SAXO2: variants seen among roughly 807,000 people sequenced by gnomAD.
The protein encoded by SAXO2 is stabilizer of axonemal microtubules 2, also known as family with sequence similarity 154, member B.
Under a neutral mutation model 18.7 loss-of-function variants are expected in SAXO2, and 17 were observed. That is an observed-to-expected ratio of 0.91 (90% CI 0.62 to 1.36). SAXO2 has a LOEUF of 1.36. Ranked by LOEUF, SAXO2 falls within the 40% of genes most tolerant of loss-of-function variation. SAXO2 has a pLI of 0.00. For synonymous variants in SAXO2, 163 were observed against 181.2 expected, an observed-to-expected ratio of 0.90 and a Z score of 0.81; for missense variants, 486 against 562.6, an observed-to-expected ratio of 0.86 and a Z score of 1.38.
chr15:82,271,572 T>G, intron 2 of SAXO2, 31 bp from the exon 3 acceptor site: 1 of 1,529,854 alleles, frequency 6.5e-7, no homozygotes, highest in Non-Finnish European at 8.8e-7. Flanking sequence ...AAAGAACTTG[T>G]GAGGCTATGT....
chr15:82,263,024 T>C (rs1201659272), intron 1 of SAXO2, 92 bp downstream of exon 1: 40 of 1,537,630 alleles, frequency 2.6e-5, no homozygotes, highest in Non-Finnish European at 3.3e-5. Flanking sequence ...ACCCTGAGAG[T>C]GGCCGTCCCC....
rs759637215 is a variant in SAXO2, at chr15:82,282,550, C to T, written c.865C>T (p.Pro289Ser). The T allele has an allele frequency of 1.2e-6, 2 of 1,614,156 alleles. No individual in the cohort carries two copies. Among genetic ancestry groups the T allele is most frequent in the Non-Finnish European group, 1.7e-6 (2 of 1,180,024 alleles). Residue 289 changes from proline to serine, a missense_variant, in exon 4 of 4, where the codon CCA becomes TCA. Physicochemically the swap from Pro to Ser is moderately conservative, Grantham distance 74. Coordinates refer to ENST00000682753, the MANE Select transcript of SAXO2 (RefSeq NM_001348699.2). ...AAGTTTTCAACCATGGGAAATCCCA[C>T]CACCTGAGGTCAAGAAAGTACCAGA... ...RESFQPWEIP[P>S]PEVKKVPEYV...
Position 82,282,920 on chromosome 15 carries a change from T to G in SAXO2, c.1235T>G (p.Met412Arg). Residue 412 changes from methionine to arginine, a missense_variant, in exon 4 of 4, where the codon ATG (methionine) becomes AGG (arginine). Coordinates refer to ENST00000682753, the MANE Select transcript of SAXO2 (RefSeq NM_001348699.2). ...KSSVPFDDVT[M>R]YSVEYTPKRQ... is the part of the protein sequence containing the mutation. ...TCTGTTCCATTTGATGATGTAACCATGTACTCTGTAGAGTACACACCGAAA... is the reference window on the plus strand; with the variant it reads ...TCTGTTCCATTTGATGATGTAACCAGGTACTCTGTAGAGTACACACCGAAA... The G allele has an allele frequency of 6.2e-7, 1 of 1,614,172 alleles. No homozygotes were observed. The highest frequency in any genetic ancestry group is 8.5e-7 in the Non-Finnish European group (1 of 1,180,014).
At chr15:82,268,504 G>A (rs2075240561) in intron 2 of SAXO2, among the ~76,000 whole-genome samples, 2 of 152,114 alleles carry the variant, frequency 1.3e-5, no homozygotes, top group African/African-American at 4.8e-5. Context: ...ATTTTCACTG[G>A]GAAACTAGCA....
chr15:82,278,231 A>G (rs2075332687), intron 3 of SAXO2, among the ~76,000 whole-genome samples: 1 of 152,236 alleles, frequency 6.6e-6, no homozygotes. Flanking sequence ...CTTGGGACCA[A>G]CAATTAGAGA....
intron 3 of SAXO2, among the ~76,000 whole-genome samples, chr15:82,276,090 T>G (rs2075312457): frequency 6.6e-6 from 1 of 152,116 alleles, no homozygotes; most frequent in African/African-American, 2.4e-5. Context: ...TCAGTAGCAT[T>G]TCTATACACC....
chr15:82,267,149 C>T (rs911406802), intron 2 of SAXO2, among the ~76,000 whole-genome samples: 2 of 152,164 alleles, frequency 1.3e-5, no homozygotes, highest in African/African-American at 4.8e-5. Flanking sequence ...ATGCCAGTGA[C>T]ACAGCCTCAG....
At chr15:82,264,785 A>C in intron 1 of SAXO2, 1 of 696,842 alleles carries the variant, frequency 1.4e-6, no homozygotes, top group Non-Finnish European at 2.6e-6. Context: ...CAAGTTAGGA[A>C]ACCAGCTTGC....
At chr15:82,272,443 G>A (rs573573470) in intron 3 of SAXO2, among the ~76,000 whole-genome samples, 5 of 152,306 alleles carry the variant, frequency 3.3e-5, no homozygotes, top group Admixed American at 2.0e-4. Context: ...TGGTGGAAGG[G>A]TGAGAATACT....
At chr15:82,268,865 AG>A (rs1567089037) in intron 2 of SAXO2, among the ~76,000 whole-genome samples, 1 of 152,180 alleles carries the variant, frequency 6.6e-6, no homozygotes, top group Admixed American at 6.5e-5. Flanking sequence ...TTGGGTTTGG[AG>A]GCATACTTTC....
Position 82,282,589 on chromosome 15 carries a change from A to G in SAXO2, c.904A>G (p.Thr302Ala). 5 of 1,614,188 alleles carry G rather than the reference A, an allele frequency of 3.1e-6. No individual in the cohort carries two copies. Among genetic ancestry groups the G allele is most frequent in the Non-Finnish European group, 4.2e-6 (5 of 1,180,014 alleles). Residue 302 changes from threonine (T) to alanine (A), a missense_variant, in exon 4 of 4, where the codon ACA (threonine) becomes GCA (alanine). Transcript: ENST00000682753. ...VKKVPEYVPP[T>A]GSMLLNSTSH... is the part of the protein sequence containing the mutation. ...GAAAGTACCAGAGTATGTGCCTCCT[A>G]CAGGTAGCATGCTGTTAAACAGCAC...
chr15:82,282,939 A>G lies in SAXO2; in HGVS notation c.1254A>G (p.Thr418=). ...DDVTMYSVEY[T]PKRQEICPAS... is the part of the protein sequence containing the mutation. ...TAACCATGTACTCTGTAGAGTACAC[A>G]CCGAAAAGACAGGAAATTTGCCCAG... Residue 418 remains threonine (T), a synonymous_variant, in exon 4 of 4, where the codon ACA becomes ACG. Coordinates refer to ENST00000682753, the MANE Select transcript of SAXO2 (RefSeq NM_001348699.2). 2 of 1,614,010 alleles carry G rather than the reference A, an allele frequency of 1.2e-6. No individual in the cohort carries two copies. Among genetic ancestry groups the G allele is most frequent in the Non-Finnish European group, 1.7e-6 (2 of 1,179,940 alleles).
chr15:82,270,057 T>A (rs949649075), intron 2 of SAXO2, among the ~76,000 whole-genome samples: 10 of 152,186 alleles, frequency 6.6e-5, no homozygotes, highest in Non-Finnish European at 1.2e-4. Flanking sequence ...TCGAATCCAA[T>A]GGCATTGAAT....
chr15:82,262,932 G>T lies in SAXO2; in HGVS notation c.53G>T (p.Gly18Val). ...SWCLCQICSC[G>V]RHHCPRGTTR... ...TGTCTGTGTCAGATTTGTAGCTGCG[G>T]GTAAGAAACGGCTGGTGTAGCGGCG... The change falls in exon 1 of 4, where the codon GGG becomes GTG. Residue 18 changes from glycine to valine, a missense_variant and splice_region_variant. Physicochemically the swap from Gly to Val is moderately radical, Grantham distance 109 (BLOSUM62 -3). Transcript: ENST00000682753. 6.2e-7 allele frequency: 1 copy of T among 1,604,124 alleles called. No homozygotes were observed.
chr15:82,270,247 G>A (rs759854395), intron 2 of SAXO2, among the ~76,000 whole-genome samples: 5 of 152,130 alleles, frequency 3.3e-5, no homozygotes, highest in Non-Finnish European at 5.9e-5. Flanking sequence ...CTTGAGGAAC[G>A]CTAACATGTA....
chr15:82,271,279 A>G (rs1410555086), intron 2 of SAXO2, among the ~76,000 whole-genome samples: 8 of 152,168 alleles, frequency 5.3e-5, no homozygotes, highest in Non-Finnish European at 8.8e-5. Flanking sequence ...TTTACCTGAA[A>G]TTTCCTTCCA....
chr15:82,276,477 C>G (rs1158887991), intron 3 of SAXO2, among the ~76,000 whole-genome samples: 1 of 152,014 alleles, frequency 6.6e-6, no homozygotes, highest in Non-Finnish European at 1.5e-5. Flanking sequence ...TTACAGTAAC[C>G]AAAACAGCAT....
chr15:82,263,435 G>A (rs1567085867), intron 1 of SAXO2: 1 of 704,450 alleles, frequency 1.4e-6, no homozygotes, highest in Non-Finnish European at 2.6e-6. Context: ...TGACTGAAAA[G>A]TCAGTAAGTA....
chr15:82,265,872 A>G, intron 2 of SAXO2, 124 bp downstream of exon 2: 1 of 565,874 alleles, frequency 1.8e-6, no homozygotes, highest in Non-Finnish European at 2.7e-6. Context: ...CTAATAGTCA[A>G]GAGACTAGTT....
Sources: allele counts gnomAD v4.1 joint callset (sites outside exome capture counted in the v4.1 genomes callset), GRCh38; gene constraint gnomAD v4.1.1; transcripts MANE v1.5; gene names NCBI Gene and HGNC (gene_info 2026-07-23, HGNC 2026-07-21).